NELL2: variants seen among roughly 807,000 people sequenced by gnomAD.
The protein encoded by NELL2 is neural EGFL like 2, also known as protein kinase C-binding protein NELL2.
A neutral mutation model predicts 109.6 loss-of-function variants in NELL2; 41 were observed. The ratio of observed to expected loss-of-function variants is 0.37; its 90% CI spans 0.29 to 0.49. The LOEUF is 0.49. Among genes scored for constraint, NELL2 ranks in the 20% least tolerant of loss-of-function variants. NELL2 has a pLI of 0.98. For synonymous variants in NELL2, 355 were observed against 344.7 expected, an observed-to-expected ratio of 1.03 and a Z score of -0.33; for missense variants, 900 against 1,008.3, an observed-to-expected ratio of 0.89 and a Z score of 1.45.
At chr12:44,862,738 C>G (rs1296968044) in intron 2 of NELL2, among the ~76,000 whole-genome samples, 1 of 151,384 alleles carries the variant, frequency 6.6e-6, no homozygotes, top group Non-Finnish European at 1.5e-5. Context: ...ACACAGTGCA[C>G]AAAATGAAAA....
chr12:44,733,057 C>T (rs1939452945), intron 9 of NELL2, among the ~76,000 whole-genome samples: 1 of 151,886 alleles, frequency 6.6e-6, no homozygotes, highest in Non-Finnish European at 1.5e-5. Context: ...TAAACAAAAA[C>T]AGAAAATAAC....
intron 3 of NELL2, among the ~76,000 whole-genome samples, chr12:44,785,684 T>A (rs1942137849): frequency 6.6e-6 from 1 of 152,072 alleles, no homozygotes; most frequent in Non-Finnish European, 1.5e-5. Flanking sequence ...AACAGATATA[T>A]AGTCCAGTGA....
chr12:44,606,817 T>C (rs1945422384), intron 15 of NELL2, among the ~76,000 whole-genome samples: 2 of 152,102 alleles, frequency 1.3e-5, no homozygotes, highest in Non-Finnish European at 2.9e-5. Context: ...GAGTTGGCCA[T>C]AAGCTTGAAA....
chr12:44,664,093 A>G (rs1947841565), intron 13 of NELL2, among the ~76,000 whole-genome samples: 1 of 152,130 alleles, frequency 6.6e-6, no homozygotes, highest in Non-Finnish European at 1.5e-5. Context: ...ATTTATTGGT[A>G]TTATCAATAG....
intron 3 of NELL2, among the ~76,000 whole-genome samples, chr12:44,813,895 C>T (rs1341394137): frequency 6.6e-6 from 1 of 152,188 alleles, no homozygotes; most frequent in Non-Finnish European, 1.5e-5. Flanking sequence ...ATTTGCCTGA[C>T]AGCAAACCAC....
chr12:44,892,815 A>T (rs967574295), intron 1 of NELL2, among the ~76,000 whole-genome samples: 1 of 151,454 alleles, frequency 6.6e-6, no homozygotes, highest in African/African-American at 2.4e-5. Context: ...AAAAAAAAAA[A>T]AAAAGAAACC....
chr12:44,712,783 T>G (rs879902644), intron 10 of NELL2, among the ~76,000 whole-genome samples: 1 of 151,944 alleles, frequency 6.6e-6, no homozygotes, highest in Non-Finnish European at 1.5e-5. Context: ...GAAGACTTGG[T>G]GTAACAAAAG....
intron 16 of NELL2, among the ~76,000 whole-genome samples, chr12:44,529,094 A>T (rs183721498): frequency 5.4e-4 from 82 of 152,216 alleles, no homozygotes; most frequent in African/African-American, 1.9e-3. Flanking sequence ...GAATGTTATT[A>T]AAAAAAGACT....
At chr12:44,862,626 T>A (rs1360599381) in intron 2 of NELL2, among the ~76,000 whole-genome samples, 1 of 152,214 alleles carries the variant, frequency 6.6e-6, no homozygotes, top group Non-Finnish European at 1.5e-5. Flanking sequence ...CAAAATTCAA[T>A]GAGTGCTGAC....
intron 19 of NELL2, among the ~76,000 whole-genome samples, chr12:44,512,618 C>T (rs1400856720): frequency 6.6e-6 from 1 of 151,944 alleles, no homozygotes; most frequent in African/African-American, 2.4e-5. Context: ...TGGCATATAT[C>T]CACAATGGAA....
chr12:44,909,249 A>T (rs1945753048), intron 1 of NELL2, among the ~76,000 whole-genome samples: 1 of 152,062 alleles, frequency 6.6e-6, no homozygotes, highest in South Asian at 2.1e-4. Context: ...ATATAAAATC[A>T]ACATAGAAAA....
chr12:44,604,367 C>T (rs573267450), intron 15 of NELL2, among the ~76,000 whole-genome samples: 1 of 151,944 alleles, frequency 6.6e-6, no homozygotes, highest in South Asian at 2.1e-4. Context: ...CAATGAAACA[C>T]CTATATAAGC....
At chr12:44,631,906 T>G (rs528678952) in intron 13 of NELL2, among the ~76,000 whole-genome samples, 52 of 151,874 alleles carry the variant, frequency 3.4e-4, no homozygotes, top group Non-Finnish European at 1.2e-4. Flanking sequence ...ATCTTATGAG[T>G]ATATGCAAAA....
intron 13 of NELL2, among the ~76,000 whole-genome samples, chr12:44,641,282 C>T (rs1354904428): frequency 1.3e-5 from 2 of 152,050 alleles, no homozygotes; most frequent in Non-Finnish European, 2.9e-5. Flanking sequence ...CATATTTTTC[C>T]CTCAGCTTAT....
rs542460286 is a variant in NELL2 at position 44,788,901 on chromosome 12, C to T, written c.336-8879G>A. On this transcript the variant is annotated intron_variant, in intron 3 of 19. Coordinates refer to ENST00000429094, the MANE Select transcript of NELL2 (RefSeq NM_001145108.2). ...TGTGACTGCCAGCTTTCCCCCACTT[C>T]CCTAACAACCTTCATGACTCAGCAG... Among the ~76,000 whole-genome samples, 5 of 152,126 alleles carry T rather than the reference C, an allele frequency of 3.3e-5. No homozygotes were observed. In the East Asian group the frequency reaches 9.7e-4, roughly 30 times the overall value.
intron 15 of NELL2, among the ~76,000 whole-genome samples, chr12:44,594,682 A>G (rs1944890755): frequency 6.6e-6 from 1 of 152,206 alleles, no homozygotes; most frequent in Non-Finnish European, 1.5e-5. Context: ...CTTGAAGATA[A>G]AGATCTGGTC....
chr12:44,562,254 G>A (rs1008039966), intron 15 of NELL2, among the ~76,000 whole-genome samples: 2 of 152,152 alleles, frequency 1.3e-5, no homozygotes, highest in Non-Finnish European at 2.9e-5. Flanking sequence ...ACATAGGCAT[G>A]GGCAAAGATT....
At chr12:44,590,923 A>G (rs1012655842) in intron 15 of NELL2, among the ~76,000 whole-genome samples, 2 of 151,972 alleles carry the variant, frequency 1.3e-5, no homozygotes, top group African/African-American at 4.8e-5. Context: ...CCTTGACTCA[A>G]CAGAAAAAAA....
chr12:44,537,167 T>A (rs140526045), intron 15 of NELL2, among the ~76,000 whole-genome samples: 30 of 151,896 alleles, frequency 2.0e-4, no homozygotes, highest in African/African-American at 7.0e-4. Context: ...TCAGAGGCAA[T>A]CAACTGACAA....
Sources: gnomAD v4.1 joint callset for allele counts (sites outside exome capture counted in the v4.1 genomes callset) on GRCh38, gnomAD v4.1.1 for gene constraint, MANE v1.5 for transcripts, NCBI Gene and HGNC (gene_info 2026-07-23, HGNC 2026-07-21) for gene names.